The following TSHZ2 variants were observed in gnomAD, a reference collection of about 807,000 sequenced individuals.
TSHZ2 encodes teashirt zinc finger homeobox 2.
In TSHZ2, 21 loss-of-function variants were observed where a neutral mutation model predicts 74.4. The observed-to-expected ratio is 0.28, with a 90% CI of 0.20 to 0.41. The LOEUF is 0.41. Among genes scored for constraint, TSHZ2 ranks in the 10% least tolerant of loss-of-function variants. The pLI is 1.00. For synonymous variants in TSHZ2, 540 were observed against 515.3 expected, an observed-to-expected ratio of 1.05 and a Z score of -0.65; for missense variants, 1,244 against 1,293.5, an observed-to-expected ratio of 0.96 and a Z score of 0.59.
chr20:53,353,378 T>A (rs1256712228), intron 2 of TSHZ2, among the ~76,000 whole-genome samples: 2 of 152,234 alleles, frequency 1.3e-5, no homozygotes, highest in African/African-American at 2.4e-5. Context: ...CTCATATGTG[T>A]GTACACATAC....
intron 1 of TSHZ2, among the ~76,000 whole-genome samples, chr20:53,238,836 TAAAAAAAAAAAA>T: frequency 1.5e-5 from 1 of 66,022 alleles, no homozygotes; most frequent in East Asian, 5.7e-4. Context: ...ATCTTATATC[TAAAAAAAAAAAA>T]AAAAAAAAAA....
At chr20:53,268,756 G>A (rs1389542115) in intron 2 of TSHZ2, among the ~76,000 whole-genome samples, 2 of 152,174 alleles carry the variant, frequency 1.3e-5, no homozygotes, top group African/African-American at 4.8e-5. Flanking sequence ...GGCATGGTGA[G>A]GGTTTTAACC....
intron 2 of TSHZ2, among the ~76,000 whole-genome samples, chr20:53,458,450 T>G (rs1339913740): frequency 2.0e-5 from 3 of 152,182 alleles, no homozygotes; most frequent in African/African-American, 4.8e-5. Context: ...TCTTCTCTCT[T>G]TTTTTCTTTA....
chr20:53,331,740 G>A (rs201341193), intron 2 of TSHZ2, among the ~76,000 whole-genome samples: 1 of 85,624 alleles, frequency 1.2e-5, no homozygotes, highest in Admixed American at 9.3e-5. Flanking sequence ...ATTAGGAAAA[G>A]GGTTATGACA....
intron 2 of TSHZ2, among the ~76,000 whole-genome samples, chr20:53,267,690 T>A (rs1213580608): frequency 1.3e-5 from 2 of 152,178 alleles, no homozygotes; most frequent in African/African-American, 4.8e-5. Flanking sequence ...CTTGCAATAG[T>A]CAAGGTCAGA....
intron 2 of TSHZ2, among the ~76,000 whole-genome samples, chr20:53,334,786 C>T (rs745949581): frequency 2.0e-5 from 3 of 151,948 alleles, no homozygotes; most frequent in Admixed American, 6.6e-5. Context: ...TGGGTTCAAG[C>T]GATTCTCTTG....
At chr20:53,343,738 A>T (rs562910571) in intron 2 of TSHZ2, among the ~76,000 whole-genome samples, 1 of 152,292 alleles carries the variant, frequency 6.6e-6, no homozygotes. Context: ...TCTCGCCACG[A>T]GGTGAGGCAG....
rs567598691 is a variant in TSHZ2 at position 53,097,494 on chromosome 20, T to C, written c.40+124161T>C. On this transcript the variant is annotated intron_variant, in intron 1 of 2. Transcript: ENST00000371497. ...CTCAAGACTCCTAGATCACACTTGTTCTATTTCCAGTTTCAATCTGGCCCA... is the reference window on the plus strand; with the variant it reads ...CTCAAGACTCCTAGATCACACTTGTCCTATTTCCAGTTTCAATCTGGCCCA... 3.3e-5 allele frequency among the ~76,000 whole-genome samples: 5 copies of C among 152,312 alleles called. No homozygotes were observed. In the East Asian group the frequency reaches 9.6e-4, roughly 29 times the overall value.
chr20:53,355,369 G>A (rs1025242321), intron 2 of TSHZ2, among the ~76,000 whole-genome samples: 2 of 152,122 alleles, frequency 1.3e-5, no homozygotes, highest in Non-Finnish European at 2.9e-5. Flanking sequence ...ATATCCTTCA[G>A]CTAGTGAGTG....
chr20:53,040,713 CTGTT>C (rs539279589), intron 1 of TSHZ2, among the ~76,000 whole-genome samples: 39 of 152,144 alleles, frequency 2.6e-4, no homozygotes, highest in Admixed American at 1.6e-3. Flanking sequence ...TTTGTTTTTC[CTGTT>C]TGTTTGGGGA....
At chr20:53,395,016 G>A (rs979474918) in intron 2 of TSHZ2, among the ~76,000 whole-genome samples, 5 of 152,124 alleles carry the variant, frequency 3.3e-5, no homozygotes, top group Admixed American at 6.6e-5. Context: ...TAGAAGCTGC[G>A]CTAGTCAAGC....
At chr20:53,142,854 A>G (rs909868118) in intron 1 of TSHZ2, among the ~76,000 whole-genome samples, 19 of 151,956 alleles carry the variant, frequency 1.3e-4, no homozygotes, top group African/African-American at 4.6e-4. Context: ...GCTTAATACT[A>G]TCACAAATCA....
At chr20:53,045,469 G>T (rs1199395240) in intron 1 of TSHZ2, among the ~76,000 whole-genome samples, 1 of 152,212 alleles carries the variant, frequency 6.6e-6, no homozygotes, top group Non-Finnish European at 1.5e-5. Flanking sequence ...AGGACCTTGG[G>T]ACAATATGCA....
At chr20:53,141,403 T>C (rs1035242735) in intron 1 of TSHZ2, among the ~76,000 whole-genome samples, 1 of 152,226 alleles carries the variant, frequency 6.6e-6, no homozygotes, top group Admixed American at 6.5e-5. Flanking sequence ...CCTCCTTCTA[T>C]TTATGATCCC....
intron 1 of TSHZ2, among the ~76,000 whole-genome samples, chr20:53,169,080 G>C (rs1988128760): frequency 2.0e-5 from 3 of 152,168 alleles, no homozygotes; most frequent in Admixed American, 6.5e-5. Context: ...TGAGAGGTCT[G>C]AATGAGGTTC....
chr20:53,167,833 A>G (rs1988098610), intron 1 of TSHZ2, among the ~76,000 whole-genome samples: 1 of 152,138 alleles, frequency 6.6e-6, no homozygotes, highest in African/African-American at 2.4e-5. Context: ...TGAAGTTATG[A>G]CAAATGTGAC....
At chr20:53,344,254 T>A (rs1015257045) in intron 2 of TSHZ2, among the ~76,000 whole-genome samples, 6 of 152,148 alleles carry the variant, frequency 3.9e-5, no homozygotes, top group African/African-American at 1.4e-4. Context: ...ATCACTGTCA[T>A]TACTGGGAAT....
At chr20:53,219,299 C>A (rs1989503747) in intron 1 of TSHZ2, among the ~76,000 whole-genome samples, 1 of 152,144 alleles carries the variant, frequency 6.6e-6, no homozygotes, top group Non-Finnish European at 1.5e-5. Flanking sequence ...GTTTAGCCAA[C>A]AACAAGAAAT....
intron 1 of TSHZ2, among the ~76,000 whole-genome samples, chr20:53,081,647 ATACT>A (rs1249764895): frequency 1.3e-5 from 2 of 152,164 alleles, no homozygotes; most frequent in East Asian, 3.9e-4. Context: ...TTAAGGTAAA[ATACT>A]TATTTATCAC....
Sources: gnomAD v4.1 joint callset for allele counts (sites outside exome capture counted in the v4.1 genomes callset) on GRCh38, gnomAD v4.1.1 for gene constraint, MANE v1.5 for transcripts, NCBI Gene and HGNC (gene_info 2026-07-23, HGNC 2026-07-21) for gene names.